SDHAF4: variants seen among roughly 807,000 people sequenced by gnomAD.
SDHAF4 encodes the protein succinate dehydrogenase assembly factor 4, mitochondrial.
Under a neutral mutation model 14.3 loss-of-function variants are expected in SDHAF4, and 14 were observed. That is an observed-to-expected ratio of 0.98 (90% CI 0.65 to 1.53). SDHAF4 has a LOEUF of 1.53. Among genes scored for constraint, SDHAF4 ranks in the 40% most tolerant of loss-of-function variants. The pLI, the probability that SDHAF4 is intolerant of heterozygous loss-of-function variation, is 0.00. For synonymous variants in SDHAF4, 63 were observed against 47.3 expected (o/e 1.33, Z -1.36); for missense variants, 141 against 129.3 (o/e 1.09, Z -0.44).
At chr6:70,567,944 C>G (rs1379193337) in intron 1 of SDHAF4, among the ~76,000 whole-genome samples, 1 of 152,154 alleles carries the variant, frequency 6.6e-6, no homozygotes, top group East Asian at 1.9e-4. Context: ...CTCGGCCTCC[C>G]AAAGTGCTGG....
Position 70,588,788 on chromosome 6 carries a change from G to T in SDHAF4, c.*64G>T. The T allele has an allele frequency of 1.1e-6, 1 of 904,460 alleles. No individual in the cohort carries two copies. The allele number at this position is 904,460 out of a possible 1,614,324, so 56.0% of individuals were successfully genotyped here. On this transcript the variant is annotated 3_prime_UTR_variant, in exon 3 of 3. Transcript: ENST00000370474. ...TGTACATCTGAATTAACTTATTTCTGATTATTTTCTTTCTTTATATCCTTT... is the reference window on the plus strand; with the variant it reads ...TGTACATCTGAATTAACTTATTTCTTATTATTTTCTTTCTTTATATCCTTT...
chr6:70,584,694 G>A (rs1191443826), intron 2 of SDHAF4, among the ~76,000 whole-genome samples: 2 of 152,176 alleles, frequency 1.3e-5, no homozygotes, highest in Non-Finnish European at 1.5e-5. Flanking sequence ...GGAAAGATAC[G>A]AGGGTGTGGT....
In SDHAF4 at chr6:70,574,678, A is replaced by G. The variant is rs529667667; in HGVS notation, c.65-4736A>G. Among the ~76,000 whole-genome samples, 6 of 152,076 alleles carry G rather than the reference A, an allele frequency of 3.9e-5. No individual in the cohort carries two copies. In the East Asian group the frequency reaches 9.7e-4, roughly 25 times the overall value. ...CAGCTGGGTGCGGTGGCTCACACCCATAATCCCAGCACTTTGGGAGGCAAG... is the reference window on the plus strand; with the variant it reads ...CAGCTGGGTGCGGTGGCTCACACCCGTAATCCCAGCACTTTGGGAGGCAAG... On this transcript the variant is annotated intron_variant, in intron 1 of 2. Coordinates refer to ENST00000370474, the MANE Select transcript of SDHAF4 (RefSeq NM_145267.3).
chr6:70,590,778 C>A (rs950240368), downstream of SDHAF4, among the ~76,000 whole-genome samples: 1 of 152,106 alleles, frequency 6.6e-6, no homozygotes, highest in African/African-American at 2.4e-5. Context: ...AGTCAGGGCT[C>A]TTCAATAGGA....
downstream of SDHAF4, among the ~76,000 whole-genome samples, chr6:70,593,692 T>TTG (rs898957562): frequency 4.2e-4 from 64 of 151,508 alleles, no homozygotes; most frequent in Admixed American, 2.6e-3. Context: ...GGGTTTTTTT[T>TTG]TGTGTGTGTG....
intron 1 of SDHAF4, among the ~76,000 whole-genome samples, chr6:70,576,847 C>A (rs559776745): frequency 6.6e-6 from 1 of 152,258 alleles, no homozygotes; most frequent in East Asian, 1.9e-4. Context: ...GTAACTTGAC[C>A]AACATCCAAC....
intron 1 of SDHAF4, among the ~76,000 whole-genome samples, chr6:70,567,954 G>A (rs1802124002): frequency 6.6e-6 from 1 of 152,096 alleles, no homozygotes. Flanking sequence ...CAAAGTGCTG[G>A]GATTACAGGC....
At chr6:70,587,198 A>ACACACACACACACACACACACAC (rs58942545) in intron 2 of SDHAF4, among the ~76,000 whole-genome samples, 1 of 143,578 alleles carries the variant, frequency 7.0e-6, no homozygotes, top group Non-Finnish European at 1.5e-5. Context: ...ACACACACAC[A>ACACACACACACACACACACACAC]AGAATTAGGG....
chr6:70,598,338 C>T, the SDHAF4 span, among the ~76,000 whole-genome samples: 11 of 152,132 alleles, frequency 7.2e-5, no homozygotes, highest in East Asian at 1.9e-3. Flanking sequence ...GAGGTGGAGC[C>T]ACTGCACTCC....
intron 1 of SDHAF4, among the ~76,000 whole-genome samples, chr6:70,574,534 A>G (rs1220981821): frequency 1.3e-5 from 2 of 152,120 alleles, no homozygotes; most frequent in Non-Finnish European, 2.9e-5. Flanking sequence ...GAACAGCATC[A>G]TAAGCATCAC....
At chr6:70,578,462 T>C (rs1174177354) in intron 1 of SDHAF4, among the ~76,000 whole-genome samples, 1 of 152,236 alleles carries the variant, frequency 6.6e-6, no homozygotes, top group Non-Finnish European at 1.5e-5. Context: ...TTATAGATTC[T>C]GGATATGAGA....
rs1198693878 is a variant in SDHAF4, at chr6:70,589,375, A to G, written c.*651A>G. ...AAGACAAGGTTTCACCATGTTAGCC[A>G]GGCTGGTCTCGAACTCCTGACCTCA... On this transcript the variant is annotated 3_prime_UTR_variant, in exon 3 of 3. Transcript: ENST00000370474. 6.6e-6 allele frequency: 1 copy of G among 152,136 alleles called. No homozygotes were observed. Among genetic ancestry groups the G allele is most frequent in the Non-Finnish European group, 1.5e-5 (1 of 68,052 alleles). 9.4% of individuals were successfully genotyped at this position (152,136 alleles called of 1,614,324 possible).
chr6:70,582,397 T>G (rs1765141627), intron 2 of SDHAF4, among the ~76,000 whole-genome samples: 1 of 152,190 alleles, frequency 6.6e-6, no homozygotes, highest in Non-Finnish European at 1.5e-5. Context: ...TATGTGTTGG[T>G]GATTCATACA....
At chr6:70,575,709 A>ATG (rs760664360) in intron 1 of SDHAF4, among the ~76,000 whole-genome samples, 223 of 147,234 alleles carry the variant, frequency 1.5e-3, no homozygotes, top group Middle Eastern at 3.4e-3. Flanking sequence ...GTTTTTGTAT[A>ATG]TGTGTGTGTG....
chr6:70,590,921 T>C (rs1240667899), downstream of SDHAF4, among the ~76,000 whole-genome samples: 1 of 152,072 alleles, frequency 6.6e-6, no homozygotes, highest in Non-Finnish European at 1.5e-5. Context: ...TCCAAAGGCC[T>C]GAGAAGCAGG....
downstream of SDHAF4, among the ~76,000 whole-genome samples, chr6:70,593,946 C>G (rs547731701): frequency 1.5e-4 from 23 of 152,318 alleles, no homozygotes; most frequent in African/African-American, 5.5e-4. Context: ...CCTCCCACCT[C>G]AGCCTCCCAA....
downstream of SDHAF4, among the ~76,000 whole-genome samples, chr6:70,592,561 T>C (rs1765267876): frequency 6.6e-6 from 1 of 152,196 alleles, no homozygotes; most frequent in South Asian, 2.1e-4. Context: ...GGGTGTTTTA[T>C]AGCAACACCC....
chr6:70,569,540 G>A (rs938023474), intron 1 of SDHAF4, among the ~76,000 whole-genome samples: 24 of 152,158 alleles, frequency 1.6e-4, no homozygotes, highest in Admixed American at 5.2e-4. Context: ...TGCCACGCCC[G>A]GCCTTTTTTC....
Position 70,568,966 on chromosome 6 carries a change from T to TTC in SDHAF4, c.64+1963_64+1964insCT, listed in dbSNP as rs1554182561. On this transcript the variant is annotated intron_variant, in intron 1 of 2. Transcript: ENST00000370474. ...TGAAATACCTCTTTCTTTTTTCTTT[T>TTC]TTTTTTTTTTTTTTTTTGAGGCGGA... is the stretch of plus-strand genomic sequence containing the variant. 3.1e-5 allele frequency among the ~76,000 whole-genome samples: 3 copies of TTC among 95,482 alleles called. No individual in the cohort carries two copies. In the Admixed American group the frequency reaches 3.2e-4, roughly 10 times the overall value. The allele number at this position is 95,482 out of a possible 152,430, so 62.6% of individuals were successfully genotyped here. A position where few individuals can be genotyped will look rare whatever the true frequency, so the allele number is the denominator to read the frequency against.
Sources: gnomAD v4.1 joint callset for allele counts (sites outside exome capture counted in the v4.1 genomes callset) on GRCh38, gnomAD v4.1.1 for gene constraint, MANE v1.5 for transcripts, NCBI Gene and HGNC (gene_info 2026-07-23, HGNC 2026-07-21) for gene names.